The following ZNF721 variants were observed in gnomAD, a reference collection of about 807,000 sequenced individuals.
The protein encoded by ZNF721 is zinc finger protein 721.
ZNF721 carries 2 observed loss-of-function variants against 2.4 expected under a neutral mutation model. The observed-to-expected ratio is 0.82, with a 90% CI of 0.34 to 2.58. The LOEUF is 2.58. Among genes scored for constraint, ZNF721 ranks in the 30% most tolerant of loss-of-function variants. The probability of loss-of-function intolerance (pLI) is 0.11; values close to 1 mark genes in which losing one functional copy is unlikely to be tolerated. For synonymous variants in ZNF721, 398 were observed against 381.8 expected (o/e 1.04, Z -0.50); for missense variants, 1,187 against 1,085.5 (o/e 1.09, Z -1.31).
chr4:493,349 G>C (rs1001539255), intron 1 of ZNF721, among the ~76,000 whole-genome samples: 1 of 152,142 alleles, frequency 6.6e-6, no homozygotes, highest in South Asian at 2.1e-4. Flanking sequence ...TCTACTCCCT[G>C]TGTACTACAC....
chr4:458,703 G>A (rs1423323440), intron 2 of ZNF721, among the ~76,000 whole-genome samples: 1 of 152,086 alleles, frequency 6.6e-6, no homozygotes, highest in Non-Finnish European at 1.5e-5. Flanking sequence ...AAAATTAGCA[G>A]GGCGTGGTGG....
Position 445,975 on chromosome 4 carries a change from A to G in ZNF721, c.35-1543T>C, listed in dbSNP as rs1389335913. 2.6e-5 allele frequency among the ~76,000 whole-genome samples: 4 copies of G among 152,336 alleles called. No individual in the cohort carries two copies. In the East Asian group the frequency reaches 7.7e-4, roughly 29 times the overall value. On this transcript the variant is annotated intron_variant, in intron 2 of 2. Transcript: ENST00000511833. ...ATATAATTAAGATGCTGGAGAAAAA[A>G]AAATTCTACATGGGAATAATATAAC...
At chr4:470,476 G>T (rs1715397103) in intron 2 of ZNF721, among the ~76,000 whole-genome samples, 1 of 152,252 alleles carries the variant, frequency 6.6e-6, no homozygotes, top group South Asian at 2.1e-4. Flanking sequence ...AATTTTGGGA[G>T]AACAAGGCGG....
At chr4:477,254 CTTTTTTTTTTT>C (rs35272784) in intron 1 of ZNF721, among the ~76,000 whole-genome samples, 1 of 74,168 alleles carries the variant, frequency 1.3e-5, no homozygotes, top group African/African-American at 5.3e-5. Context: ...TGGTGAGTTC[CTTTTTTTTTTT>C]TTTTTTTTTT....
intron 1 of ZNF721, among the ~76,000 whole-genome samples, chr4:486,151 T>C (rs1170586535): frequency 1.1e-5 from 1 of 93,512 alleles, no homozygotes; most frequent in Admixed American, 1.4e-4. Flanking sequence ...TGTGATTTCT[T>C]TTTTTTTTCT....
Position 442,023 on chromosome 4 carries a change from C to T in ZNF721, c.2444G>A (p.Gly815Asp). 2 of 1,613,954 alleles carry T rather than the reference C, an allele frequency of 1.2e-6. No individual in the cohort carries two copies. The highest frequency in any genetic ancestry group is 1.7e-6 in the Non-Finnish European group (2 of 1,179,904). ...GEKPFKCLEC[G>D]KAFTSSTTLT... ...GGTTGTGGAACTAGTAAACGCTTTACCACATTCTAAACATTTAAAGGGTTT... is the reference window on the plus strand; with the variant it reads ...GGTTGTGGAACTAGTAAACGCTTTATCACATTCTAAACATTTAAAGGGTTT... The change falls in exon 3 of 3, where the codon GGT (glycine) becomes GAT (aspartate). Residue 815 changes from glycine to aspartate, a missense_variant. By Grantham distance (94) the Gly-to-Asp change is moderately conservative. Transcript: ENST00000511833.
At chr4:467,682 C>CT (rs1408859327) in intron 2 of ZNF721, among the ~76,000 whole-genome samples, 4 of 152,212 alleles carry the variant, frequency 2.6e-5, no homozygotes, top group Non-Finnish European at 5.9e-5. Flanking sequence ...ATCAAGAGAC[C>CT]TGCAGGAAGA....
At chr4:498,455 C>A (rs1223372832) in intron 1 of ZNF721, among the ~76,000 whole-genome samples, 5 of 152,034 alleles carry the variant, frequency 3.3e-5, no homozygotes, top group Admixed American at 6.6e-5. Flanking sequence ...CCGAGCTTGT[C>A]TTTTCCCTTA....
intron 1 of ZNF721, among the ~76,000 whole-genome samples, chr4:479,740 C>T (rs1289683268): frequency 6.6e-6 from 1 of 152,204 alleles, no homozygotes; most frequent in Non-Finnish European, 1.5e-5. Context: ...CACCAATGCT[C>T]CATGTGGCCT....
intron 2 of ZNF721, among the ~76,000 whole-genome samples, chr4:470,089 A>T (rs1715386235): frequency 6.6e-6 from 1 of 152,074 alleles, no homozygotes; most frequent in African/African-American, 2.4e-5. Flanking sequence ...TCACCACGTT[A>T]GCCAGGATGG....
At chr4:491,749 T>C (rs1298266415) in intron 1 of ZNF721, among the ~76,000 whole-genome samples, 1 of 152,222 alleles carries the variant, frequency 6.6e-6, no homozygotes, top group African/African-American at 2.4e-5. Context: ...GTTTAAGATT[T>C]AGCAGGACTT....
intron 2 of ZNF721, among the ~76,000 whole-genome samples, chr4:455,577 C>T (rs547581856): frequency 5.9e-4 from 89 of 151,742 alleles, no homozygotes; most frequent in African/African-American, 1.9e-3. Flanking sequence ...AAACAACCAA[C>T]CAACCAACCA....
intron 2 of ZNF721, among the ~76,000 whole-genome samples, chr4:449,150 G>A (rs1397146632): frequency 6.6e-6 from 1 of 152,088 alleles, no homozygotes; most frequent in African/African-American, 2.4e-5. Context: ...AAGATAGAGT[G>A]CATAACAACG....
chr4:441,523 A>T lies in ZNF721; in HGVS notation c.*172T>A. 1.6e-6 allele frequency: 1 copy of T among 608,436 alleles called. No individual in the cohort carries two copies. Among genetic ancestry groups the T allele is most frequent in the Non-Finnish European group, 2.8e-6 (1 of 359,734 alleles). The allele number at this position is 608,436 out of a possible 1,614,324, so 37.7% of individuals were successfully genotyped here. A position where few individuals can be genotyped will look rare whatever the true frequency, so the allele number is the denominator to read the frequency against. ...TTGAGGTGTGATTAAAAGCCTTCTC[A>T]CATTTTTCACATTTTAGAGTTTCTC... On this transcript the variant is annotated 3_prime_UTR_variant, in exon 3 of 3. Coordinates refer to ENST00000511833, the MANE Select transcript of ZNF721 (RefSeq NM_133474.4).
intron 2 of ZNF721, among the ~76,000 whole-genome samples, chr4:454,750 C>CT (rs1714793257): frequency 6.6e-6 from 1 of 152,194 alleles, no homozygotes; most frequent in South Asian, 2.1e-4. Flanking sequence ...TGGACACAAA[C>CT]AACGGTCACC....
intron 2 of ZNF721, among the ~76,000 whole-genome samples, chr4:448,225 G>A (rs922825781): frequency 3.9e-5 from 6 of 151,906 alleles, no homozygotes; most frequent in African/African-American, 1.2e-4. Flanking sequence ...GACCAAACTG[G>A]TATGAATGTA....
At chr4:445,476 T>C (rs1714442582) in intron 2 of ZNF721, among the ~76,000 whole-genome samples, 2 of 152,130 alleles carry the variant, frequency 1.3e-5, no homozygotes, top group Admixed American at 6.5e-5. Flanking sequence ...TTGTTAATGT[T>C]CAAATAACAA....
chr4:441,327 T>C lies in ZNF721; in HGVS notation c.*368A>G, dbSNP rs906394498. On this transcript the variant is annotated 3_prime_UTR_variant, in exon 3 of 3. Transcript: ENST00000511833. ...GTAGTCTCACATATAAATACTATCA[T>C]GTGCAAAAATGCTAAGCATTGGTTA... The C allele has an allele frequency of 1.1e-5, 2 of 175,734 alleles. No individual in the cohort carries two copies. The highest frequency in any genetic ancestry group is 4.8e-5 in the African/African-American group (2 of 42,008). 10.9% of individuals were successfully genotyped at this position (175,734 alleles called of 1,614,324 possible). A position where few individuals can be genotyped will look rare whatever the true frequency, so the allele number is the denominator to read the frequency against.
chr4:460,627 C>CAAAAAAAAAAAAA (rs199519505), intron 2 of ZNF721, among the ~76,000 whole-genome samples: 1 of 101,384 alleles, frequency 9.9e-6, no homozygotes, highest in African/African-American at 3.6e-5. Flanking sequence ...AAGACCCTTT[C>CAAAAAAAAAAAAA]AAAAAAAAAA....
Sources: allele counts gnomAD v4.1 joint callset (sites outside exome capture counted in the v4.1 genomes callset), GRCh38; gene constraint gnomAD v4.1.1; transcripts MANE v1.5; gene names NCBI Gene and HGNC (gene_info 2026-07-23, HGNC 2026-07-21).